TENT5D: variants seen among roughly 807,000 people sequenced by gnomAD.
TENT5D encodes the protein cancer/testis antigen 112.
For missense variants in TENT5D, 191 were observed against 287.0 expected (o/e 0.67, Z 2.42); for synonymous variants, 103 against 100.6 (o/e 1.02, Z -0.15).
chrX:80,386,942 G>A lies in TENT5D; in HGVS notation c.-142+44378G>A, dbSNP rs138043444. Among the ~76,000 whole-genome samples, 594 of 111,890 alleles carry A rather than the reference G, an allele frequency of 5.3e-3. 1 individual carries two copies. Among genetic ancestry groups the A allele is most frequent in the South Asian group, 0.011 (31 of 2,702 alleles). On this transcript the variant is annotated intron_variant, in intron 3 of 4. Transcript: ENST00000538312. ...TCAATCTACAATTCCGGACCAACCA[G>A]CCTCAGTCATTTGTAGTCCTCTAGA...
intron 3 of TENT5D, among the ~76,000 whole-genome samples, chrX:80,413,223 A>G (rs753687779): frequency 8.9e-6 from 1 of 112,537 alleles, no homozygotes; most frequent in Admixed American, 9.5e-5. Flanking sequence ...CATTTGGCTT[A>G]AAGTCTCTAT....
At chrX:80,377,525 G>A in intron 3 of TENT5D, among the ~76,000 whole-genome samples, 1 of 111,233 alleles carries the variant, frequency 9.0e-6, no homozygotes, top group East Asian at 2.8e-4. Flanking sequence ...TCAGAATGAT[G>A]GTTTCCAGCT....
At chrX:80,428,741 TTAAAG>T (rs1159160962) in intron 1 of TENT5D, among the ~76,000 whole-genome samples, 1 of 112,407 alleles carries the variant, frequency 8.9e-6, no homozygotes, top group Non-Finnish European at 1.9e-5. Context: ...CTCTTAACTG[TTAAAG>T]TAAATGGGCT....
At chrX:80,410,530 A>G (rs1931633328) in intron 3 of TENT5D, among the ~76,000 whole-genome samples, 2 of 97,777 alleles carry the variant, frequency 2.0e-5, no homozygotes, top group African/African-American at 7.5e-5. Flanking sequence ...AATGCAAATC[A>G]AAACCACAAT....
At chrX:80,412,789 T>C (rs1931698470) in intron 3 of TENT5D, among the ~76,000 whole-genome samples, 1 of 112,207 alleles carries the variant, frequency 8.9e-6, no homozygotes, top group African/African-American at 3.2e-5. Flanking sequence ...TATTATTTTT[T>C]AATAGTTTAC....
chrX:80,359,759 C>T lies in TENT5D; in HGVS notation c.-142+17195C>T, dbSNP rs187646903. Among the ~76,000 whole-genome samples, 67 of 111,671 alleles carry T rather than the reference C, an allele frequency of 6.0e-4. 1 individual carries two copies. The highest frequency in any genetic ancestry group is 2.0e-3 in the African/African-American group (61 of 30,782). ...ATGTAACAAACCTGCACGTTCTGCA[C>T]GTGTATCCTAGAACTTAAACTATAT... On this transcript the variant is annotated intron_variant, in intron 3 of 4. Coordinates refer to the TENT5D transcript ENST00000538312.
chrX:80,391,039 C>T (rs1041762472), intron 3 of TENT5D, among the ~76,000 whole-genome samples: 3 of 112,013 alleles, frequency 2.7e-5, no homozygotes, highest in African/African-American at 9.7e-5. Flanking sequence ...CTTTGGAAAG[C>T]TAATATTCAA....
At chrX:80,382,813 T>C (rs1930901121) in intron 3 of TENT5D, among the ~76,000 whole-genome samples, 1 of 111,749 alleles carries the variant, frequency 8.9e-6, no homozygotes, top group Admixed American at 9.5e-5. Flanking sequence ...GCACAGGATA[T>C]AATTTCCTGG....
chrX:80,363,938 G>A (rs1239186266), intron 3 of TENT5D, among the ~76,000 whole-genome samples: 1 of 112,264 alleles, frequency 8.9e-6, no homozygotes, highest in Admixed American at 9.5e-5. Context: ...AATTACCTTT[G>A]TGCATGTGTG....
Position 80,432,195 on chromosome X carries a change from T to C in TENT5D, c.-141-6415T>C, listed in dbSNP as rs142007535. Among the ~76,000 whole-genome samples, 271 of 111,477 alleles carry C rather than the reference T, an allele frequency of 2.4e-3. 7 individuals carry two copies. The East Asian group carries it at 0.071, about 29-fold the overall frequency. On this transcript the variant is annotated intron_variant, in intron 1 of 2. Transcript: ENST00000308293. The stretch of plus-strand genomic sequence containing the variant: ...AAACAAAAAAAGAAGGAAAATGTGA[T>C]AGAAAAAGACTGGAAGTCCTTTTGC...
At chrX:80,416,215 A>G (rs771167109), upstream of TENT5D, among the ~76,000 whole-genome samples, 16 of 84,170 alleles carry the variant, frequency 1.9e-4, no homozygotes, top group African/African-American at 7.3e-4. Flanking sequence ...TGTCTATCTT[A>G]TTTATTCTTT....
chrX:80,434,261 A>G (rs1319030429), intron 1 of TENT5D, among the ~76,000 whole-genome samples: 1 of 110,332 alleles, frequency 9.1e-6, no homozygotes, highest in Admixed American at 9.6e-5. Flanking sequence ...TGGAAAGTAT[A>G]TGCCTGCCTC....
intron 3 of TENT5D, among the ~76,000 whole-genome samples, chrX:80,356,994 G>T (rs1455606550): frequency 9.0e-6 from 1 of 111,189 alleles, no homozygotes; most frequent in African/African-American, 3.3e-5. Flanking sequence ...TCCCACCTTG[G>T]AGTGAGAACA....
intron 3 of TENT5D, among the ~76,000 whole-genome samples, chrX:80,406,621 T>C (rs1325446114): frequency 5.5e-4 from 49 of 88,978 alleles, no homozygotes; most frequent in Non-Finnish European, 1.0e-3. Context: ...AATCTATGTC[T>C]GATTGGTGTA....
exon 2 of TENT5D, chrX:80,335,655 A>T (rs759292531): frequency 8.1e-5 from 9 of 110,998 alleles, no homozygotes; most frequent in African/African-American, 3.0e-4. Flanking sequence ...CTCAGATTTC[A>T]CTCTGTCCTT....
At chrX:80,378,478 T>G (rs1322563156) in intron 3 of TENT5D, among the ~76,000 whole-genome samples, 1 of 111,174 alleles carries the variant, frequency 9.0e-6, no homozygotes, top group African/African-American at 3.3e-5. Context: ...TCCATTTTTT[T>G]AAATAGGACA....
chrX:80,339,027 C>T (rs1929905876), intron 2 of TENT5D, among the ~76,000 whole-genome samples: 1 of 111,728 alleles, frequency 9.0e-6, no homozygotes, highest in African/African-American at 3.3e-5. Context: ...CTGAGGTAAT[C>T]TGGCCAGGTA....
At chrX:80,360,743 A>T (rs1033745214) in intron 3 of TENT5D, among the ~76,000 whole-genome samples, 3 of 111,949 alleles carry the variant, frequency 2.7e-5, no homozygotes, top group Non-Finnish European at 5.6e-5. Context: ...AAAGGCACAT[A>T]TATTGGAAGA....
chrX:80,350,178 C>T (rs761024968), intron 3 of TENT5D, among the ~76,000 whole-genome samples: 1 of 111,397 alleles, frequency 9.0e-6, no homozygotes, highest in Non-Finnish European at 1.9e-5. Flanking sequence ...TGGTCCAGAG[C>T]TGAGTTCAAG....
Sources: gnomAD v4.1 joint callset for allele counts (sites outside exome capture counted in the v4.1 genomes callset) on GRCh38, gnomAD v4.1.1 for gene constraint, MANE v1.5 for transcripts, NCBI Gene and HGNC (gene_info 2026-07-23, HGNC 2026-07-21) for gene names.